The following TTYH3 variants were observed in gnomAD, a reference collection of about 807,000 sequenced individuals.
The protein encoded by TTYH3 is tweety family member 3, also known as protein tweety homolog 3.
TTYH3 carries 23 observed loss-of-function variants against 68.2 expected under a neutral mutation model. That is an observed-to-expected ratio of 0.34 (90% CI 0.24 to 0.48). The LOEUF (loss-of-function observed/expected upper bound fraction) is 0.48, where lower values mean the gene tolerates loss of function less well. Among genes scored for constraint, TTYH3 ranks in the 20% least tolerant of loss-of-function variants. The pLI, the probability that TTYH3 is intolerant of heterozygous loss-of-function variation, is 0.99. For synonymous variants in TTYH3, 360 were observed against 332.8 expected (o/e 1.08, Z -0.89); for missense variants, 768 against 727.7 (o/e 1.06, Z -0.64).
chr7:2,657,814 C>T (rs572611379), intron 11 of TTYH3, among the ~76,000 whole-genome samples: 29 of 152,312 alleles, frequency 1.9e-4, no homozygotes, highest in East Asian at 7.7e-4. Flanking sequence ...CCTCCTGGGG[C>T]GTGGAGGCTC....
In TTYH3 at chr7:2,637,500, C is replaced by A. The variant is rs114308131; in HGVS notation, c.123+5222C>A. ...GTTCCAGCTGCAGCCCAGCCACGTC[C>A]GTCCCAGTGGATACAGCGTCAGCAC... is the stretch of plus-strand genomic sequence containing the variant. On this transcript the variant is annotated intron_variant, in intron 1 of 13. Transcript: ENST00000258796. Among the ~76,000 whole-genome samples the A allele has an allele frequency of 4.8e-3, 734 of 152,288 alleles. 3 individuals are homozygous for A. The highest frequency in any genetic ancestry group is 0.017 in the African/African-American group (692 of 41,554).
chr7:2,653,268 A>T (rs1223142085), intron 9 of TTYH3, among the ~76,000 whole-genome samples: 1 of 152,136 alleles, frequency 6.6e-6, no homozygotes, highest in African/African-American at 2.4e-5. Context: ...GGTTTTAAAA[A>T]TCATTTCTTT....
In TTYH3 at chr7:2,645,714, C is replaced by A. The variant is rs1785961215; in HGVS notation, c.124-1139C>A. 4.4e-6 allele frequency: 2 copies of A among 456,168 alleles called. No individual in the cohort carries two copies. The allele number at this position is 456,168 out of a possible 1,614,324, so 28.3% of individuals were successfully genotyped here. ...CACCCCTGAGTGCAGCTTCTCGGTG[C>A]ACAGACCCCAGACAGGATCAGACTC... is the stretch of plus-strand genomic sequence containing the variant. On this transcript the variant is annotated intron_variant, in intron 1 of 13. Coordinates refer to ENST00000258796, the MANE Select transcript of TTYH3 (RefSeq NM_025250.3). The surrounding 1 kb of genome is among the most constrained non-coding windows in gnomAD (Gnocchi z 4.8).
chr7:2,635,512 G>A (rs1361422050), intron 1 of TTYH3, among the ~76,000 whole-genome samples: 1 of 152,224 alleles, frequency 6.6e-6, no homozygotes, highest in East Asian at 1.9e-4. Flanking sequence ...GGGCAGGCCA[G>A]ATGCAGGACA....
chr7:2,647,729 G>A, intron 4 of TTYH3, 91 bp downstream of exon 4: 1 of 1,358,404 alleles, frequency 7.4e-7, no homozygotes, highest in African/African-American at 1.4e-5. Flanking sequence ...AGTACATGAG[G>A]CCTGATGGGC....
Position 2,662,038 on chromosome 7 carries a change from A to C in TTYH3, c.*299A>C. On this transcript the variant is annotated 3_prime_UTR_variant, in exon 14 of 14. Coordinates refer to ENST00000258796, the MANE Select transcript of TTYH3 (RefSeq NM_025250.3). ...CTCTGCAGATGGTCGCCGCACCTAC[A>C]AGCCCTGGCCGCACCCAACCTGTGT... 1 of 550,208 alleles carries C rather than the reference A, an allele frequency of 1.8e-6. No individual in the cohort carries two copies. Among genetic ancestry groups the C allele is most frequent in the African/African-American group, 1.9e-5 (1 of 51,942 alleles). 34.1% of individuals were successfully genotyped at this position (550,208 alleles called of 1,614,324 possible).
rs764066537 is a variant in TTYH3 at position 2,649,931 on chromosome 7, G to T, written c.814G>T (p.Val272Leu). 6.2e-7 allele frequency: 1 copy of T among 1,614,012 alleles called. No individual in the cohort carries two copies. Among genetic ancestry groups the T allele is most frequent in the Non-Finnish European group, 8.5e-7 (1 of 1,179,956 alleles). Residue 272 changes from valine (V) to leucine (L), a missense_variant, in exon 7 of 14, where the codon GTG (valine) becomes TTG (leucine). Coordinates refer to ENST00000258796, the MANE Select transcript of TTYH3 (RefSeq NM_025250.3). ...ACCTCAGGGCTCCAGCGACTTCTGT[G>T]TGGACCCTGACGCCTACGTGACCAA... ...AVSVGSSDFC[V>L]DPDAYVTKMV...
chr7:2,655,250 ATTC>A (rs1253071628), intron 9 of TTYH3, among the ~76,000 whole-genome samples: 1 of 151,960 alleles, frequency 6.6e-6, no homozygotes, highest in Non-Finnish European at 1.5e-5. Context: ...GGCTGAAGCG[ATTC>A]TTCTGCCTCA....
At chr7:2,648,354 G>C in intron 5 of TTYH3, 1 of 345,514 alleles carries the variant, frequency 2.9e-6, no homozygotes, top group Non-Finnish European at 5.3e-6. Context: ...CGAGTGCCTG[G>C]GGCCACCCAG....
At chr7:2,632,597 C>T (rs1196004959) in intron 1 of TTYH3, among the ~76,000 whole-genome samples, 1 of 152,220 alleles carries the variant, frequency 6.6e-6, no homozygotes, top group Admixed American at 6.5e-5. Context: ...TTTCATGGAG[C>T]TGCCTCTCCC....
intron 1 of TTYH3, among the ~76,000 whole-genome samples, chr7:2,640,173 G>A (rs6461496): frequency 0.41 from 62,566 of 152,034 alleles, 13,771 homozygotes; most frequent in African/African-American, 0.56. Flanking sequence ...GCAGGGTGGT[G>A]GGATCGTGGC....
Position 2,658,964 on chromosome 7 carries a change from C to T in TTYH3, c.1449C>T (p.Asn483=), listed in dbSNP as rs1186997910. Residue 483 remains asparagine, a synonymous_variant, in exon 13 of 14, where the codon AAC becomes AAT. Coordinates refer to ENST00000258796, the MANE Select transcript of TTYH3 (RefSeq NM_025250.3). ...EYMSQNANFQ[N]PRCENTPLIG... is the part of the protein sequence containing the mutation. ...GGAGCCAGAACGCTAATTTCCAGAA[C>T]CCCCGCTGTGAGAACACCCCACTCA... 3.1e-6 allele frequency: 5 copies of T among 1,613,942 alleles called. No homozygotes were observed. Among genetic ancestry groups the T allele is most frequent in the African/African-American group, 2.7e-5 (2 of 74,938 alleles).
chr7:2,641,526 G>A lies in TTYH3; in HGVS notation c.124-5327G>A, dbSNP rs974407480. On this transcript the variant is annotated intron_variant, in intron 1 of 13. Transcript: ENST00000258796. ...CAGTTGAGTCCTCTCCGTGTGCTCCGCGGAACCCAGCGTGCAGTTTTCGCC... is the reference window on the plus strand; with the variant it reads ...CAGTTGAGTCCTCTCCGTGTGCTCCACGGAACCCAGCGTGCAGTTTTCGCC... Among the ~76,000 whole-genome samples the A allele has an allele frequency of 2.6e-5, 4 of 152,302 alleles. No individual in the cohort carries two copies. In the South Asian group the frequency reaches 6.2e-4, roughly 24 times the overall value.
Position 2,647,448 on chromosome 7 carries a change from A to C in TTYH3, c.436A>C (p.Thr146Pro). Residue 146 changes from threonine to proline, a missense_variant, in exon 4 of 14, where the codon ACG becomes CCG. Physicochemically the swap from Thr to Pro is conservative, Grantham distance 38 (BLOSUM62 -1). Transcript: ENST00000258796. Reference sequence around the variant, plus strand: ...GGACACGGCGGTGGGGCTGAACCACACGGCGGAGCCCAGCCTGCAGACCCT... The same window carrying C: ...GGACACGGCGGTGGGGCTGAACCACCCGGCGGAGCCCAGCCTGCAGACCCT... Reference protein sequence around the residue: ...VWDTAVGLNHTAEPSLQTLER... With the variant: ...VWDTAVGLNHPAEPSLQTLER... The C allele has an allele frequency of 6.5e-7, 1 of 1,528,952 alleles. No individual in the cohort carries two copies. Among genetic ancestry groups the C allele is most frequent in the Non-Finnish European group, 8.8e-7 (1 of 1,142,088 alleles). The allele number at this position is 1,528,952 out of a possible 1,614,324, so 94.7% of individuals were successfully genotyped here.
intron 10 of TTYH3, 68 bp downstream of exon 10, chr7:2,656,252 G>T: frequency 1.3e-6 from 2 of 1,552,660 alleles, no homozygotes; most frequent in Non-Finnish European, 8.8e-7. Context: ...CAGCTGTTCG[G>T]GAGGATGGGG....
rs1459941511 is a variant in TTYH3 at position 2,647,615 on chromosome 7, G to A, written c.603G>A (p.Gln201=). The stretch of plus-strand genomic sequence containing the variant: ...TGTCGCTGGAGGTGCTGGCGGAGCA[G>A]GTGGATCTCTACGACTGGTACAGGT... ...TAVSLEVLAE[Q]VDLYDWYRWL... The change falls in exon 4 of 14, where the codon CAG becomes CAA. Residue 201 remains glutamine, a synonymous_variant. Transcript: ENST00000258796. 6.4e-7 allele frequency: 1 copy of A among 1,572,636 alleles called. No homozygotes were observed.
chr7:2,643,822 G>C (rs560783697), intron 1 of TTYH3, among the ~76,000 whole-genome samples: 2 of 115,420 alleles, frequency 1.7e-5, no homozygotes, highest in Admixed American at 1.8e-4. Flanking sequence ...ACCTGTTTAG[G>C]CTCTGCGTAA....
intron 11 of TTYH3, among the ~76,000 whole-genome samples, chr7:2,657,587 C>A (rs1786374103): frequency 6.6e-6 from 1 of 152,206 alleles, no homozygotes; most frequent in Admixed American, 6.5e-5. Context: ...CAGATTCTGT[C>A]TCTATCCTTG....
At chr7:2,633,711 A>G (rs1464044234) in intron 1 of TTYH3, among the ~76,000 whole-genome samples, 1 of 152,156 alleles carries the variant, frequency 6.6e-6, no homozygotes, top group Non-Finnish European at 1.5e-5. Context: ...TCACTTTGGA[A>G]AGTTCTCTGC....
Sources: gnomAD v4.1 joint callset for allele counts (sites outside exome capture counted in the v4.1 genomes callset) on GRCh38, gnomAD v4.1.1 for gene constraint, Gnocchi (gnomAD v3.1) non-coding constraint, MANE v1.5 for transcripts, NCBI Gene and HGNC (gene_info 2026-07-23, HGNC 2026-07-21) for gene names.